The following BMP1 variants were observed in gnomAD, a reference collection of about 807,000 sequenced individuals.
BMP1 encodes mammalian tolloid protein.
BMP1 carries 63 observed loss-of-function variants against 116.8 expected under a neutral mutation model. The ratio of observed to expected loss-of-function variants is 0.54; its 90% confidence interval spans 0.44 to 0.67. BMP1 has a LOEUF of 0.67. Among genes scored for constraint, BMP1 ranks in the 30% least tolerant of loss-of-function variants. The probability of loss-of-function intolerance (pLI) is 0.00; values close to 1 mark genes in which losing one functional copy is unlikely to be tolerated. For synonymous variants in BMP1, 536 were observed against 533.4 expected (o/e 1.00, Z -0.07); for missense variants, 1,183 against 1,358.9 (o/e 0.87, Z 2.04).
intron 8 of BMP1, among the ~76,000 whole-genome samples, chr8:22,188,759 C>G (rs73551705): frequency 0.09 from 13,719 of 152,244 alleles, 759 homozygotes; most frequent in African/African-American, 0.14. Context: ...TTCTTTGGAG[C>G]TCTCGGGTGG....
intron 7 of BMP1, among the ~76,000 whole-genome samples, chr8:22,180,051 G>A (rs1304822898): frequency 6.6e-6 from 1 of 152,160 alleles, no homozygotes. Flanking sequence ...CTGAGGGTCT[G>A]TAGGGGCGGA....
intron 2 of BMP1, among the ~76,000 whole-genome samples, chr8:22,175,404 T>G (rs1445864601): frequency 6.6e-6 from 1 of 152,248 alleles, no homozygotes; most frequent in Non-Finnish European, 1.5e-5. Context: ...ACCTTTGTTC[T>G]CTTTTACGAT....
intron 15 of BMP1, 143 bp from the exon 16 acceptor site, chr8:22,201,660 C>A: frequency 7.0e-7 from 1 of 1,427,256 alleles, no homozygotes; most frequent in South Asian, 1.4e-5. Context: ...GCCTCCCACT[C>A]CCGGCCACCT....
At position 22,199,005 on chromosome 8, in the gene BMP1, C is replaced by T. The variant is rs765925384; in HGVS notation, c.2107+1585C>T. On this transcript the variant is annotated intron_variant, in intron 15 of 19. Transcript: ENST00000306385. Reference sequence around the variant, plus strand: ...ACCTGCTTACTCTCGTCTCTTCCTGCCCTTCTGTTGCTCCAGTCTTGGAGG... The same window carrying T: ...ACCTGCTTACTCTCGTCTCTTCCTGTCCTTCTGTTGCTCCAGTCTTGGAGG... 5.3e-5 allele frequency: 70 copies of T among 1,316,592 alleles called. 1 individual carries two copies. In the Middle Eastern group the frequency reaches 2.5e-3, roughly 46 times the overall value. The allele number at this position is 1,316,592 out of a possible 1,614,324, so 81.6% of individuals were successfully genotyped here.
At chr8:22,176,478 T>C (rs1828438026) in intron 3 of BMP1, 55 bp from the exon 4 acceptor site, 4 of 1,584,876 alleles carry the variant, frequency 2.5e-6, no homozygotes, top group Non-Finnish European at 3.5e-6. Flanking sequence ...CAGTGGTGGG[T>C]AGGGGGTGGG....
At position 22,201,932 on chromosome 8, in the gene BMP1, C is replaced by T. The variant is rs370232327; in HGVS notation, c.2233+4C>T. 2.3e-5 allele frequency: 37 copies of T among 1,609,456 alleles called. No homozygotes were observed. Among genetic ancestry groups the T allele is most frequent in the African/African-American group, 1.6e-4 (12 of 74,878 alleles). On this transcript the variant is annotated splice_donor_region_variant and intron_variant, in intron 16 of 19. Coordinates refer to ENST00000306385, the MANE Select transcript of BMP1 (RefSeq NM_006129.5). ...AACAAGCACGACTGCAAAGAAGGTA[C>T]GGGCTGCATGCCAGGGGCATCTGGG...
intron 16 of BMP1, among the ~76,000 whole-genome samples, chr8:22,202,238 G>A (rs1829280796): frequency 6.6e-6 from 1 of 152,238 alleles, no homozygotes; most frequent in South Asian, 2.1e-4. Flanking sequence ...CCGGCACAGA[G>A]GCGAGAAAGG....
In BMP1 at chr8:22,179,929, C is replaced by T. The variant is rs1828563439; in HGVS notation, c.961+100C>T. ...CACCAAGAAGGCTTAGGCTGCAAGT[C>T]TTAGAGAATGGTGTGGCGGGGGAGG... is the stretch of plus-strand genomic sequence containing the variant. On this transcript the variant is annotated intron_variant, in intron 7 of 19. Coordinates refer to ENST00000306385, the MANE Select transcript of BMP1 (RefSeq NM_006129.5). This position sits in a 1 kb window ranked among gnomAD's most constrained non-coding sequence, Gnocchi z 4.6. 1 of 1,308,508 alleles carries T rather than the reference C, an allele frequency of 7.6e-7. No homozygotes were observed. Among genetic ancestry groups the T allele is most frequent in the Non-Finnish European group, 1.0e-6 (1 of 955,508 alleles). The allele number at this position is 1,308,508 out of a possible 1,614,324, so 81.1% of individuals were successfully genotyped here.
chr8:22,210,976 T>C (rs1421167492), intron 19 of BMP1, among the ~76,000 whole-genome samples: 1 of 152,252 alleles, frequency 6.6e-6, no homozygotes, highest in Non-Finnish European at 1.5e-5. Flanking sequence ...CTCTGAGGGC[T>C]GACCTCACTC....
At chr8:22,196,020 G>C (rs906689086) in intron 13 of BMP1, among the ~76,000 whole-genome samples, 1 of 152,048 alleles carries the variant, frequency 6.6e-6, no homozygotes, top group African/African-American at 2.4e-5. Flanking sequence ...ATAGCTCATG[G>C]ATAAGAAACA....
In BMP1 at chr8:22,179,744, GAACGGGGTGA is replaced by G. The variant is rs1335055968; in HGVS notation, c.880_889del (p.Gly294LeufsTer66). 6.2e-7 allele frequency: 1 copy of G among 1,614,040 alleles called. No homozygotes were observed. The highest frequency in any genetic ancestry group is 1.3e-5 in the African/African-American group (1 of 74,938). On this transcript the variant is annotated frameshift_variant, in exon 7 of 20. Coordinates refer to ENST00000306385, the MANE Select transcript of BMP1 (RefSeq NM_006129.5). LOFTEE classifies it high-confidence loss of function. The surrounding 1 kb of genome is among the most constrained non-coding windows in gnomAD (Gnocchi z 4.6). The stretch of plus-strand genomic sequence containing the variant: ...ATACCATTGTCCCCAAGTATGAGGT[GAACGGGGTGA>G]AACCTCCCATTGGCCAAAGGACACG...
rs1019948744 is a variant in BMP1 at position 22,179,201 on chromosome 8, G to A, written c.837-504G>A. On this transcript the variant is annotated intron_variant, in intron 6 of 19. Transcript: ENST00000306385. The surrounding 1 kb of genome is among the most constrained non-coding windows in gnomAD (Gnocchi z 4.6). ...GGGGCTGTCCCCGGGGCTTGGTCTG[G>A]CTGCAGTGGAATCTGCCTTTGGCCT... Among the ~76,000 whole-genome samples, 1 of 152,252 alleles carries A rather than the reference G, an allele frequency of 6.6e-6. No individual in the cohort carries two copies. Among genetic ancestry groups the A allele is most frequent in the Non-Finnish European group, 1.5e-5 (1 of 68,040 alleles).
At chr8:22,170,465 C>G (rs1217029271) in intron 1 of BMP1, 1 of 152,238 alleles carries the variant, frequency 6.6e-6, no homozygotes, top group Admixed American at 6.5e-5. Flanking sequence ...TAGGAGAACA[C>G]TGAGGCTTAG....
At position 22,179,818 on chromosome 8, in the gene BMP1, A is replaced by G; in HGVS notation, c.950A>G (p.Tyr317Cys). 6.2e-7 allele frequency: 1 copy of G among 1,613,806 alleles called. No homozygotes were observed. Among genetic ancestry groups the G allele is most frequent in the Non-Finnish European group, 8.5e-7 (1 of 1,179,792 alleles). ...KGDIAQARKL[Y>C]KCPACGETLQ... ...GACATTGCCCAAGCCCGCAAGCTTTACAAGTGCCCAGGTCAGGGCAGAGAA... is the reference window on the plus strand; with the variant it reads ...GACATTGCCCAAGCCCGCAAGCTTTGCAAGTGCCCAGGTCAGGGCAGAGAA... Residue 317 changes from tyrosine to cysteine, a missense_variant, in exon 7 of 20, where the codon TAC (tyrosine) becomes TGC (cysteine). Physicochemically the swap from Tyr to Cys is radical, Grantham distance 194 (BLOSUM62 -2). Coordinates refer to ENST00000306385, the MANE Select transcript of BMP1 (RefSeq NM_006129.5). This position sits in a 1 kb window ranked among gnomAD's most constrained non-coding sequence, Gnocchi z 4.6.
In BMP1 at chr8:22,179,564, C is replaced by G; in HGVS notation, c.837-141C>G. ...TGGGTAGCATAATGACAGGGTGAGA[C>G]GACTCCACCCGGCCCTGACCCTGCT... On this transcript the variant is annotated intron_variant, in intron 6 of 19. Coordinates refer to ENST00000306385, the MANE Select transcript of BMP1 (RefSeq NM_006129.5). The surrounding 1 kb of genome is among the most constrained non-coding windows in gnomAD (Gnocchi z 4.6). The G allele has an allele frequency of 7.0e-7, 1 of 1,424,388 alleles. No homozygotes were observed. Among genetic ancestry groups the G allele is most frequent in the South Asian group, 1.3e-5 (1 of 77,800 alleles). The allele number at this position is 1,424,388 out of a possible 1,614,324, so 88.2% of individuals were successfully genotyped here.
In BMP1 at chr8:22,211,783, T is replaced by G; in HGVS notation, c.*55T>G. 6.2e-7 allele frequency: 1 copy of G among 1,612,286 alleles called. No homozygotes were observed. The highest frequency in any genetic ancestry group is 1.1e-5 in the South Asian group (1 of 91,046). On this transcript the variant is annotated 3_prime_UTR_variant, in exon 20 of 20. Transcript: ENST00000306385. ...GCCTGCTGCCCTTGGTCGCCTAGAC[T>G]GGATAGTGGGGGTGGGCGGAAGGCA... is the stretch of plus-strand genomic sequence containing the variant.
intron 8 of BMP1, among the ~76,000 whole-genome samples, chr8:22,184,517 C>A (rs1208645014): frequency 6.6e-6 from 1 of 152,150 alleles, no homozygotes; most frequent in African/African-American, 2.4e-5. Flanking sequence ...AGCCACAGTC[C>A]TGAATGAAAT....
In BMP1 at chr8:22,185,828, C is replaced by CTTTTT. The variant is rs71204540; in HGVS notation, c.1077+5365_1077+5369dup. Reference sequence around the variant, plus strand: ...GCAGAGACAGGGTTTCACTGTCTTTCTTTTTTTTTTTTTTTTTTTTTTTTG... The same window carrying CTTTTT: ...GCAGAGACAGGGTTTCACTGTCTTTCTTTTTTTTTTTTTTTTTTTTTTTTTTTTTG... On this transcript the variant is annotated intron_variant, in intron 8 of 19. Coordinates refer to ENST00000306385, the MANE Select transcript of BMP1 (RefSeq NM_006129.5). Among the ~76,000 whole-genome samples the CTTTTT allele has an allele frequency of 6.8e-3, 549 of 80,904 alleles. 9 individuals are homozygous for CTTTTT. The highest frequency in any genetic ancestry group is 0.019 in the African/African-American group (357 of 18,764). The allele number at this position is 80,904 out of a possible 152,430, so 53.1% of individuals were successfully genotyped here.
intron 9 of BMP1, 114 bp downstream of exon 9, chr8:22,192,265 G>T: frequency 1.1e-6 from 1 of 884,574 alleles, no homozygotes; most frequent in Non-Finnish European, 1.8e-6. Flanking sequence ...TGACAACCTG[G>T]TATGGGAGCC....
Sources: allele counts gnomAD v4.1 joint callset (sites outside exome capture counted in the v4.1 genomes callset), GRCh38; gene constraint gnomAD v4.1.1; non-coding constraint Gnocchi (gnomAD v3.1); transcripts MANE v1.5; gene names NCBI Gene and HGNC (gene_info 2026-07-23, HGNC 2026-07-21).